Variants in CFAP299 observed in about 807,000 individuals in gnomAD.
CFAP299 encodes the protein cilia and flagella associated protein 299.
In CFAP299, 21 loss-of-function variants were observed where a neutral mutation model predicts 27.0. The observed-to-expected ratio is 0.78, with a 90% CI of 0.55 to 1.12. The LOEUF is 1.12. CFAP299 is among the 50% of genes most tolerant of loss of function. The pLI is 0.00. For synonymous variants in CFAP299, 104 were observed against 98.1 expected (o/e 1.06, Z -0.36); for missense variants, 310 against 276.6 (o/e 1.12, Z -0.86).
chr4:80,948,046 G>A (rs112300422), intron 5 of CFAP299, among the ~76,000 whole-genome samples: 2,489 of 152,156 alleles, frequency 0.016, 44 homozygotes, highest in African/African-American at 0.045. Context: ...GTAAAATATT[G>A]TAAGAGCAAC....
At chr4:80,791,518 C>T (rs1727569129) in intron 3 of CFAP299, among the ~76,000 whole-genome samples, 1 of 152,012 alleles carries the variant, frequency 6.6e-6, no homozygotes, top group South Asian at 2.1e-4. Flanking sequence ...AGATACAGCA[C>T]ATTTTAAGAA....
In CFAP299 at chr4:80,799,564, A is replaced by AAT. The variant is rs1156986369; in HGVS notation, c.334-70420_334-70419dup. Among the ~76,000 whole-genome samples the AAT allele has an allele frequency of 1.1e-3, 80 of 76,058 alleles. 1 individual carries two copies. Among genetic ancestry groups the AAT allele is most frequent in the African/African-American group, 4.3e-3 (77 of 17,980 alleles). 49.9% of individuals were successfully genotyped at this position (76,058 alleles called of 152,430 possible). On this transcript the variant is annotated intron_variant, in intron 3 of 5. Transcript: ENST00000358105. The stretch of plus-strand genomic sequence containing the variant: ...ATACATATATATAATATATTTAATA[A>AAT]ATATATATATTTATAAAATATATTA...
intron 3 of CFAP299, among the ~76,000 whole-genome samples, chr4:80,749,405 C>A (rs1238495220): frequency 6.6e-6 from 1 of 152,084 alleles, no homozygotes; most frequent in Non-Finnish European, 1.5e-5. Flanking sequence ...AGTCTGGGTT[C>A]TCTAGAGGGA....
intron 2 of CFAP299, among the ~76,000 whole-genome samples, chr4:80,426,553 G>C (rs908339495): frequency 6.6e-6 from 1 of 152,182 alleles, no homozygotes; most frequent in Non-Finnish European, 1.5e-5. Context: ...CTGTTCATAA[G>C]AATCTTCTGC....
rs572274133 is a variant in CFAP299, at chr4:80,563,570, A to G, written c.243-19523A>G. 5.8e-4 allele frequency among the ~76,000 whole-genome samples: 88 copies of G among 152,108 alleles called. 1 individual carries two copies. The highest frequency in any genetic ancestry group is 1.9e-3 in the African/African-American group (81 of 41,540). ...AGCAGTACTCAGAGGTAAGTTTATC[A>G]CTATAAGTGCCTACATAACAAAAGA... On this transcript the variant is annotated intron_variant, in intron 2 of 5. Transcript: ENST00000358105.
At chr4:80,654,313 G>GT (rs1314627948) in intron 3 of CFAP299, among the ~76,000 whole-genome samples, 2 of 152,092 alleles carry the variant, frequency 1.3e-5, no homozygotes, top group African/African-American at 4.8e-5. Context: ...AGATATTTTG[G>GT]TGGTATTTAT....
intron 3 of CFAP299, among the ~76,000 whole-genome samples, chr4:80,861,292 G>A (rs1578192993): frequency 6.6e-6 from 1 of 152,122 alleles, no homozygotes; most frequent in African/African-American, 2.4e-5. Flanking sequence ...GGAGTGACCC[G>A]ATTTTCCAGG....
rs1199963977 is a variant in CFAP299 at position 80,638,285 on chromosome 4, A to T, written c.333+55102A>T. Among the ~76,000 whole-genome samples, 3 of 152,312 alleles carry T rather than the reference A, an allele frequency of 2.0e-5. No individual in the cohort carries two copies. The South Asian group carries it at 6.2e-4, about 32-fold the overall frequency. ...TAGTAATGGGGTGTGGAAGGGAGCT[A>T]ATTTATGCCAACGGGCTCCAATTTG... On this transcript the variant is annotated intron_variant, in intron 3 of 5. Transcript: ENST00000358105.
At chr4:80,790,362 T>G (rs528902069) in intron 3 of CFAP299, 3 of 152,150 alleles carry the variant, frequency 2.0e-5, no homozygotes, top group African/African-American at 7.2e-5. Context: ...CAGAGCAATT[T>G]TCTTTTTTAC....
intron 4 of CFAP299, among the ~76,000 whole-genome samples, chr4:80,898,475 G>C (rs192200459): frequency 6.6e-6 from 1 of 152,060 alleles, no homozygotes. Flanking sequence ...CTGGATGTGG[G>C]GGGTGGGATG....
chr4:80,450,560 T>G (rs528995722), intron 2 of CFAP299, among the ~76,000 whole-genome samples: 58 of 152,208 alleles, frequency 3.8e-4, no homozygotes, highest in Admixed American at 8.5e-4. Context: ...TTAAAAATAC[T>G]AAATATCTTT....
intron 3 of CFAP299, among the ~76,000 whole-genome samples, chr4:80,629,527 G>A (rs999784944): frequency 2.6e-5 from 4 of 151,988 alleles, no homozygotes; most frequent in East Asian, 1.9e-4. Flanking sequence ...CAGTCTGTCT[G>A]TATATATATT....
chr4:80,632,553 A>G (rs1739267132), intron 3 of CFAP299, among the ~76,000 whole-genome samples: 1 of 152,172 alleles, frequency 6.6e-6, no homozygotes, highest in South Asian at 2.1e-4. Context: ...ACTGAGTGGG[A>G]GAAGTGGACT....
chr4:80,509,343 G>T (rs1249852437), intron 2 of CFAP299, among the ~76,000 whole-genome samples: 2 of 152,124 alleles, frequency 1.3e-5, no homozygotes, highest in African/African-American at 4.8e-5. Flanking sequence ...ATAGAAGGTG[G>T]AATTAAGCTG....
At chr4:80,690,046 G>C (rs1389163384) in intron 3 of CFAP299, among the ~76,000 whole-genome samples, 1 of 148,970 alleles carries the variant, frequency 6.7e-6, no homozygotes, top group Non-Finnish European at 1.5e-5. Context: ...CATAAAGCAA[G>C]TCCTGAGTGA....
chr4:80,459,778 T>C (rs1000166792), intron 2 of CFAP299, among the ~76,000 whole-genome samples: 2 of 152,146 alleles, frequency 1.3e-5, no homozygotes, highest in African/African-American at 4.8e-5. Flanking sequence ...GCTTGTTAGG[T>C]CCAGAGTTCC....
At chr4:80,649,348 T>C (rs1283890552) in intron 3 of CFAP299, 12 of 152,124 alleles carry the variant, frequency 7.9e-5, no homozygotes, top group Admixed American at 6.6e-4. Context: ...GTTCTGCCTA[T>C]TGAGAAGCTT....
Position 80,641,824 on chromosome 4 carries a change from G to T in CFAP299, c.333+58641G>T, listed in dbSNP as rs116811165. Among the ~76,000 whole-genome samples, 1,283 of 152,312 alleles carry T rather than the reference G, an allele frequency of 8.4e-3. 11 individuals are homozygous for T. The highest frequency in any genetic ancestry group is 0.01 in the Non-Finnish European group (706 of 68,030). ...ACAGGGATGCTTTCAAAACAAAGTG[G>T]CATGTGAGATAAATAGATGGGATAT... On this transcript the variant is annotated intron_variant, in intron 3 of 5. Transcript: ENST00000358105.
chr4:80,423,152 T>C (rs887620978), intron 2 of CFAP299, among the ~76,000 whole-genome samples: 1 of 152,248 alleles, frequency 6.6e-6, no homozygotes, highest in Non-Finnish European at 1.5e-5. Context: ...TGGTCTGTGG[T>C]TGACAAGAAC....
Sources: allele counts gnomAD v4.1 joint callset (sites outside exome capture counted in the v4.1 genomes callset), GRCh38; gene constraint gnomAD v4.1.1; transcripts MANE v1.5; gene names NCBI Gene and HGNC (gene_info 2026-07-23, HGNC 2026-07-21).